The following STAB1 variants were observed in gnomAD, a reference collection of about 807,000 sequenced individuals.
The protein encoded by STAB1 is stabilin-1.
Under a neutral mutation model 332.4 loss-of-function variants are expected in STAB1, and 250 were observed. The observed-to-expected ratio is 0.75, with a 90% CI of 0.68 to 0.84. The LOEUF (loss-of-function observed/expected upper bound fraction) is 0.84. Ranked by LOEUF, STAB1 falls within the 40% of genes least tolerant of loss-of-function variation. The pLI is 0.00. For synonymous variants in STAB1, 1,475 were observed against 1,390.4 expected, an observed-to-expected ratio of 1.06 and a Z score of -1.35; for missense variants, 3,249 against 3,489.7, an observed-to-expected ratio of 0.93 and a Z score of 1.74.
rs975590482 is a variant in STAB1 at position 52,515,431 on chromosome 3, C to T, written c.3873C>T (p.Pro1291=). ...CCTGTCCCCGTTTCCAGGACACACC[C>T]AGGAAGAGCTGTGTCTACCGATCTG... ...CTQGFQLQDT[P]RKSCVYRSGF... is the part of the protein sequence containing the mutation. The change falls in exon 37 of 69, where the codon CCC becomes CCT. Residue 1291 remains proline (P), a synonymous_variant. Transcript: ENST00000321725. The T allele has an allele frequency of 2.5e-6, 4 of 1,613,214 alleles. No individual in the cohort carries two copies. Among genetic ancestry groups the T allele is most frequent in the Non-Finnish European group, 3.4e-6 (4 of 1,180,004 alleles).
intron 2 of STAB1, 117 bp from the exon 3 acceptor site, chr3:52,501,521 C>T: frequency 5.2e-6 from 6 of 1,159,154 alleles, no homozygotes; most frequent in Non-Finnish European, 7.4e-6. Context: ...CTGTGCTCAG[C>T]TCTGGGCCAG....
In STAB1 at chr3:52,501,647, A is replaced by G; in HGVS notation, c.225A>G (p.Val75=). The G allele has an allele frequency of 6.4e-7, 1 of 1,563,164 alleles. No individual in the cohort carries two copies. Among genetic ancestry groups the G allele is most frequent in the Non-Finnish European group, 8.7e-7 (1 of 1,154,508 alleles). ...DQITQDCRYE[V]QLGGSMVSMS... ...CACCCTCTGCCCCCAGCTACGAAGT[A>G]CAGCTGGGGGGCTCTATGGTGTCCA... Residue 75 remains valine (V), a synonymous_variant, in exon 3 of 69, where the codon GTA becomes GTG. Coordinates refer to ENST00000321725, the MANE Select transcript of STAB1 (RefSeq NM_015136.3).
At chr3:52,496,853 G>C (rs1297859757) in intron 1 of STAB1, among the ~76,000 whole-genome samples, 1 of 152,216 alleles carries the variant, frequency 6.6e-6, no homozygotes, top group Non-Finnish European at 1.5e-5. Flanking sequence ...CTCTAACACA[G>C]CTACGTGGCC....
chr3:52,504,567 G>C lies in STAB1; in HGVS notation c.1239+18G>C, dbSNP rs764063477. On this transcript the variant is annotated intron_variant, in intron 11 of 68. Transcript: ENST00000321725. ...CCATGAATGTAAGCCCCTCCCCATG[G>C]TGGAGCTGGCCACTGGCCCTCACCT... is the stretch of plus-strand genomic sequence containing the variant. 1 of 1,613,802 alleles carries C rather than the reference G, an allele frequency of 6.2e-7. No individual in the cohort carries two copies. The highest frequency in any genetic ancestry group is 1.1e-5 in the South Asian group (1 of 91,084).
intron 25 of STAB1, 138 bp downstream of exon 25, chr3:52,510,645 T>TACTACTCAGCATGTCA: frequency 8.7e-7 from 1 of 1,154,428 alleles, no homozygotes. Context: ...GCTGACATGC[T>TACTACTCAGCATGTCA]GAGTAGTAGC....
chr3:52,513,752 T>C lies in STAB1; in HGVS notation c.3306T>C (p.Ala1102=), dbSNP rs1165769822. ...TGCAGAATGCCAGCGTGGATGTGGC[T>C]GACCTCCTTGCCACCAACGGTGTCC... The part of the protein sequence containing the change: ...VWVQNASVDV[A]DLLATNGVLH... The change falls in exon 31 of 69, where the codon GCT becomes GCC. Residue 1102 remains alanine, a synonymous_variant. Transcript: ENST00000321725. 3 of 1,613,452 alleles carry C rather than the reference T, an allele frequency of 1.9e-6. No individual in the cohort carries two copies. Among genetic ancestry groups the C allele is most frequent in the South Asian group, 2.2e-5 (2 of 91,088 alleles).
chr3:52,523,390 A>G, intron 64 of STAB1, 37 bp from the exon 65 acceptor site: 4 of 1,609,288 alleles, frequency 2.5e-6, no homozygotes, highest in Non-Finnish European at 3.4e-6. Flanking sequence ...GGCCATCTCC[A>G]TCTGGCCCAG....
chr3:52,508,559 T>C (rs1273712833), intron 21 of STAB1, 200 bp downstream of exon 21: 1 of 615,302 alleles, frequency 1.6e-6, no homozygotes, highest in Admixed American at 2.2e-5. Flanking sequence ...CAATGTCTCA[T>C]GCCTGTAATC....
intron 38 of STAB1, 28 bp downstream of exon 38, chr3:52,516,266 G>GGGGGCC: frequency 3.8e-6 from 3 of 794,254 alleles, no homozygotes; most frequent in Non-Finnish European, 6.6e-6. Context: ...GCGGGGGTGG[G>GGGGGCC]CCTCCTGGCA....
intron 36 of STAB1, 149 bp downstream of exon 36, chr3:52,515,194 TG>T: frequency 9.0e-7 from 1 of 1,111,734 alleles, no homozygotes; most frequent in Admixed American, 2.2e-5. Flanking sequence ...CATAGAGGTC[TG>T]GAGGGCTGGC....
Position 52,513,700 on chromosome 3 carries a change from C to T in STAB1, c.3271-17C>T, listed in dbSNP as rs748371705. 16 of 1,610,836 alleles carry T rather than the reference C, an allele frequency of 9.9e-6. No individual in the cohort carries two copies. In the African/African-American group the frequency reaches 1.9e-4, roughly 19 times the overall value. ...ATCTGTGCCCACCTGTGGCTAAGCT[C>T]TGCTGCTGCCTTCCAGAGGGTCTGG... On this transcript the variant is annotated splice_polypyrimidine_tract_variant and intron_variant, in intron 30 of 68. Coordinates refer to ENST00000321725, the MANE Select transcript of STAB1 (RefSeq NM_015136.3).
At position 52,514,811 on chromosome 3, in the gene STAB1, C is replaced by T; in HGVS notation, c.3789C>T (p.Ser1263=). Residue 1263 remains serine, a synonymous_variant, in exon 35 of 69, where the codon AGC becomes AGT. Transcript: ENST00000321725. The part of the protein sequence containing the change: ...LTVGSSRCLH[S]HAEALREKCV... ...TGGGCTCAAGTCGCTGCCTGCATAG[C>T]CACGCTGAGGCCCTGCGGGTGAGAG... The T allele has an allele frequency of 6.2e-7, 1 of 1,612,922 alleles. No individual in the cohort carries two copies. The highest frequency in any genetic ancestry group is 8.5e-7 in the Non-Finnish European group (1 of 1,179,990).
chr3:52,519,476 CCTAG>C (rs753432373), intron 49 of STAB1, 25 bp from the exon 50 acceptor site: 18 of 1,612,970 alleles, frequency 1.1e-5, no homozygotes, highest in Middle Eastern at 1.6e-4. Flanking sequence ...TCCCGCCTGG[CCTAG>C]CTGTTTATGA....
intron 26 of STAB1, 100 bp from the exon 27 acceptor site, chr3:52,512,241 G>A: frequency 8.8e-7 from 1 of 1,133,412 alleles, no homozygotes. Flanking sequence ...CAAGGGGCAG[G>A]GGCTGGGGCT....
chr3:52,503,737 A>G (rs1448937658), intron 8 of STAB1, 35 bp from the exon 9 acceptor site: 22 of 1,611,406 alleles, frequency 1.4e-5, no homozygotes, highest in Non-Finnish European at 1.9e-5. Context: ...TTGGGGTTGG[A>G]CGTGGTGTTC....
chr3:52,523,994 G>A lies in STAB1; in HGVS notation c.7519G>A (p.Gly2507Ser). ...LYLRARGKPM[G>S]FGFSAFQAED... The stretch of plus-strand genomic sequence containing the variant: ...CCTCCGTGCCCGAGGCAAGCCCATG[G>A]GCTTTGGCTTCTCTGCCTTCCAGGT... The change falls in exon 67 of 69, where the codon GGC (glycine) becomes AGC (serine). Residue 2507 changes from glycine to serine, a missense_variant. Physicochemically the swap from Gly to Ser is moderately conservative, Grantham distance 56 (BLOSUM62 0). Coordinates refer to ENST00000321725, the MANE Select transcript of STAB1 (RefSeq NM_015136.3). 1 of 1,612,124 alleles carries A rather than the reference G, an allele frequency of 6.2e-7. No individual in the cohort carries two copies. Among genetic ancestry groups the A allele is most frequent in the Non-Finnish European group, 8.5e-7 (1 of 1,179,846 alleles).
Position 52,509,917 on chromosome 3 carries a change from G to GT in STAB1, c.2395_2396insT (p.Gly799ValfsTer41), listed in dbSNP as rs1559690642. 2 of 1,613,078 alleles carry GT rather than the reference G, an allele frequency of 1.2e-6. No homozygotes were observed. The highest frequency in any genetic ancestry group is 3.3e-5 in the Admixed American group (2 of 60,030). ...CTGCGACAACCGCCCAGGCAGTGGG[G>GT]GGGTGTGCCAGCAGGGCACGTGTGC... On this transcript the variant is annotated frameshift_variant, in exon 23 of 69. Transcript: ENST00000321725. LOFTEE classifies it high-confidence loss of function.
chr3:52,514,875 T>C, intron 35 of STAB1, 46 bp downstream of exon 35: 1 of 1,612,810 alleles, frequency 6.2e-7, no homozygotes, highest in Non-Finnish European at 8.5e-7. Context: ...AGTTCAGAGC[T>C]GGGAGGGCCT....
At position 52,516,536 on chromosome 3, in the gene STAB1, C is replaced by T. The variant is rs376445160; in HGVS notation, c.4241-6C>T. 86 of 1,613,198 alleles carry T rather than the reference C, an allele frequency of 5.3e-5. No individual in the cohort carries two copies. Among genetic ancestry groups the T allele is most frequent in the Non-Finnish European group, 6.8e-5 (80 of 1,179,988 alleles). ...GAATGACCAGAGTCATCCTCCTGCC[C>T]CCCAGAAATCACCAGCCCTCAGTGC... On this transcript the variant is annotated splice_region_variant and splice_polypyrimidine_tract_variant and intron_variant, in intron 39 of 68. Coordinates refer to ENST00000321725, the MANE Select transcript of STAB1 (RefSeq NM_015136.3).
Sources: allele counts gnomAD v4.1 joint callset (sites outside exome capture counted in the v4.1 genomes callset), GRCh38; gene constraint gnomAD v4.1.1; transcripts MANE v1.5; gene names NCBI Gene and HGNC (gene_info 2026-07-23, HGNC 2026-07-21).